The following MID2 variants were observed in gnomAD, a reference collection of about 807,000 sequenced individuals.
MID2 encodes the protein probable E3 ubiquitin-protein ligase MID2.
Under a neutral mutation model 46.1 loss-of-function variants are expected in MID2, and 13 were observed. The observed-to-expected ratio is 0.28, with a 90% CI of 0.18 to 0.45. The LOEUF (loss-of-function observed/expected upper bound fraction) is 0.45. Ranked by LOEUF, MID2 falls within the 20% of genes least tolerant of loss-of-function variation. The pLI is 1.00. For missense variants in MID2, 431 were observed against 575.4 expected, an observed-to-expected ratio of 0.75 and a Z score of 2.57; for synonymous variants, 199 against 212.3, an observed-to-expected ratio of 0.94 and a Z score of 0.55.
intron 3 of MID2, among the ~76,000 whole-genome samples, chrX:107,898,463 C>A (rs1187999295): frequency 8.9e-6 from 1 of 112,330 alleles, no homozygotes; most frequent in East Asian, 2.8e-4. Flanking sequence ...CTACATGAAA[C>A]TTTATCTAAT....
intron 1 of MID2, among the ~76,000 whole-genome samples, chrX:107,838,808 A>G (rs1931264108): frequency 1.8e-5 from 2 of 112,359 alleles, no homozygotes; most frequent in Non-Finnish European, 3.8e-5. Flanking sequence ...ACTCAAAAGC[A>G]AACAATGCTT....
chrX:107,832,519 G>C (rs945497155), intron 1 of MID2, among the ~76,000 whole-genome samples: 1 of 110,901 alleles, frequency 9.0e-6, no homozygotes, highest in Non-Finnish European at 1.9e-5. Flanking sequence ...TTTTATCCTC[G>C]TCTGATCCTC....
chrX:107,836,542 C>T (rs12012633), intron 1 of MID2, among the ~76,000 whole-genome samples: 1,981 of 110,178 alleles, frequency 0.018, 38 homozygotes, highest in African/African-American at 0.062. Context: ...TGAGCCACCA[C>T]GCCCAGCCTA....
chrX:107,836,949 G>T (rs749894799), intron 1 of MID2, among the ~76,000 whole-genome samples: 1 of 111,932 alleles, frequency 8.9e-6, no homozygotes, highest in South Asian at 3.7e-4. Context: ...TAATGATTGG[G>T]TTTTTTTCTT....
intron 3 of MID2, among the ~76,000 whole-genome samples, chrX:107,858,158 G>A (rs1466159034): frequency 8.9e-6 from 1 of 112,211 alleles, no homozygotes; most frequent in African/African-American, 3.2e-5. Flanking sequence ...AATGTAGCTT[G>A]TTATAATTGC....
At chrX:107,907,544 T>C (rs1352640071) in intron 5 of MID2, among the ~76,000 whole-genome samples, 1 of 111,290 alleles carries the variant, frequency 9.0e-6, no homozygotes, top group East Asian at 2.8e-4. Context: ...CTTTTTTCCA[T>C]AGCTTCAATT....
At chrX:107,845,968 G>A (rs1014027622) in intron 2 of MID2, among the ~76,000 whole-genome samples, 5 of 112,224 alleles carry the variant, frequency 4.5e-5, no homozygotes, top group African/African-American at 1.6e-4. Context: ...CTGTATATGA[G>A]TGTGTATATT....
intron 3 of MID2, among the ~76,000 whole-genome samples, chrX:107,880,104 A>G (rs971942431): frequency 4.6e-5 from 5 of 107,605 alleles, no homozygotes; most frequent in Non-Finnish European, 7.6e-5. Flanking sequence ...TGCCTCTCAG[A>G]ATTTGGGGAC....
intron 3 of MID2, among the ~76,000 whole-genome samples, chrX:107,888,287 C>T (rs1297285352): frequency 8.9e-6 from 1 of 112,119 alleles, no homozygotes; most frequent in African/African-American, 3.2e-5. Flanking sequence ...CCTCTACACA[C>T]TGCTTTGAAT....
intron 2 of MID2, among the ~76,000 whole-genome samples, chrX:107,851,080 G>A (rs1931601425): frequency 9.0e-6 from 1 of 111,694 alleles, no homozygotes. Context: ...ATATTCATTT[G>A]TGATACATGG....
intron 3 of MID2, 39 bp from the exon 4 acceptor site, chrX:107,903,919 G>A (rs1932814374): frequency 9.8e-7 from 1 of 1,016,219 alleles, no homozygotes; most frequent in African/African-American, 1.8e-5. Context: ...GGGGACAAAG[G>A]CAACAATCAC....
chrX:107,851,652 AAACAACAAC>A lies in MID2; in HGVS notation c.721-2936_721-2928del, dbSNP rs746654148. Among the ~76,000 whole-genome samples the A allele has an allele frequency of 3.2e-4, 35 of 108,829 alleles. No individual in the cohort carries two copies. The East Asian group carries it at 3.7e-3, about 12-fold the overall frequency. 94.5% of individuals were successfully genotyped at this position (108,829 alleles called of 115,157 possible). A position where few individuals can be genotyped will look rare whatever the true frequency, so the allele number is the denominator to read the frequency against. On this transcript the variant is annotated intron_variant, in intron 2 of 9. Coordinates refer to ENST00000262843, the MANE Select transcript of MID2 (RefSeq NM_012216.4). ...ACAGCTTTTGGTAAGTCCTCAGTGCAAACAACAACAACAACAACAACAACAACAAAAACA... is the reference window on the plus strand; with the variant it reads ...ACAGCTTTTGGTAAGTCCTCAGTGCAAACAACAACAACAACAACAAAAACA...
intron 3 of MID2, among the ~76,000 whole-genome samples, chrX:107,874,629 G>C (rs1932157419): frequency 8.9e-6 from 1 of 112,566 alleles, no homozygotes; most frequent in African/African-American, 3.2e-5. Flanking sequence ...GCTTTAGTTG[G>C]TCAGAGGCTT....
At chrX:107,865,422 C>G (rs1411851496) in intron 3 of MID2, among the ~76,000 whole-genome samples, 1 of 112,298 alleles carries the variant, frequency 8.9e-6, no homozygotes, top group Non-Finnish European at 1.9e-5. Flanking sequence ...CTGTGCCTGG[C>G]TGTTCATCTC....
chrX:107,826,330 G>T lies in MID2; in HGVS notation c.-97G>T. The T allele has an allele frequency of 2.0e-6, 2 of 1,023,428 alleles. No individual in the cohort carries two copies. Among genetic ancestry groups the T allele is most frequent in the Non-Finnish European group, 2.6e-6 (2 of 779,753 alleles). 84.3% of individuals were successfully genotyped at this position (1,023,428 alleles called of 1,213,427 possible). On this transcript the variant is annotated 5_prime_UTR_variant, in exon 1 of 10. Coordinates refer to ENST00000262843, the MANE Select transcript of MID2 (RefSeq NM_012216.4). The stretch of plus-strand genomic sequence containing the variant: ...GGCGGCGGCGGCGACCGGGGCCCGG[G>T]AGCTCGCGCCGGAGCCCGAGCCAAC...
Position 107,849,892 on chromosome X carries a change from G to C in MID2, c.721-4717G>C, listed in dbSNP as rs752331220. ...CACAAAGACCCAGAGGTAACCTCTT[G>C]CAGCAGGAAATGGGAGCTTCATCCT... On this transcript the variant is annotated intron_variant, in intron 2 of 9. Transcript: ENST00000262843. Among the ~76,000 whole-genome samples, 4 of 111,952 alleles carry C rather than the reference G, an allele frequency of 3.6e-5. No individual in the cohort carries two copies. In the South Asian group the frequency reaches 1.5e-3, roughly 42 times the overall value.
Position 107,927,887 on chromosome X carries a change from C to T in MID2, c.*814C>T, listed in dbSNP as rs1181585756. On this transcript the variant is annotated 3_prime_UTR_variant, in exon 10 of 10. Coordinates refer to ENST00000262843, the MANE Select transcript of MID2 (RefSeq NM_012216.4). ...TGTCACGCACACATACACATGCAAC[C>T]ATGACACAGATAATGGGAAGAGCTT... 1.8e-5 allele frequency among the ~76,000 whole-genome samples: 2 copies of T among 111,250 alleles called. No individual in the cohort carries two copies. Among genetic ancestry groups the T allele is most frequent in the Non-Finnish European group, 3.8e-5 (2 of 53,010 alleles).
intron 1 of MID2, among the ~76,000 whole-genome samples, chrX:107,834,082 C>T (rs2147821830): frequency 8.9e-6 from 1 of 111,883 alleles, no homozygotes; most frequent in East Asian, 2.8e-4. Context: ...GTGTGAGTCA[C>T]CACGCCAGAC....
intron 3 of MID2, among the ~76,000 whole-genome samples, chrX:107,869,678 T>G (rs1193586329): frequency 1.8e-5 from 2 of 111,462 alleles, no homozygotes; most frequent in Non-Finnish European, 3.8e-5. Flanking sequence ...AGTACATTTT[T>G]TTGTTGTTGT....
Sources: gnomAD v4.1 joint callset for allele counts (sites outside exome capture counted in the v4.1 genomes callset) on GRCh38, gnomAD v4.1.1 for gene constraint, MANE v1.5 for transcripts, NCBI Gene and HGNC (gene_info 2026-07-23, HGNC 2026-07-21) for gene names.